The following PCDHA11 variants were observed in gnomAD, a reference collection of about 807,000 sequenced individuals.
The protein encoded by PCDHA11 is protocadherin alpha 11.
In PCDHA11, 61 loss-of-function variants were observed where a neutral mutation model predicts 70.3. The ratio of observed to expected loss-of-function variants is 0.87; its 90% CI spans 0.71 to 1.07. The LOEUF (loss-of-function observed/expected upper bound fraction) is 1.07. PCDHA11 is among the 50% of genes least tolerant of loss of function. PCDHA11 has a pLI of 0.00. For missense variants in PCDHA11, 1,324 were observed against 1,237.5 expected (o/e 1.07, Z -1.05); for synonymous variants, 633 against 555.1 (o/e 1.14, Z -1.97).
chr5:140,997,349 G>A (rs954510019), intron 3 of PCDHA11, among the ~76,000 whole-genome samples: 3 of 152,256 alleles, frequency 2.0e-5, no homozygotes, highest in South Asian at 2.1e-4. Context: ...ATCATAGAAT[G>A]TACTTACATA....
At chr5:140,924,183 A>G (rs1554201796) in intron 1 of PCDHA11, among the ~76,000 whole-genome samples, 1 of 152,230 alleles carries the variant, frequency 6.6e-6, no homozygotes, top group Non-Finnish European at 1.5e-5. Context: ...GAAGCAGAAA[A>G]TTAGTTTTGG....
intron 1 of PCDHA11, among the ~76,000 whole-genome samples, chr5:140,910,641 C>G (rs1270893523): frequency 6.6e-6 from 1 of 152,206 alleles, no homozygotes; most frequent in Non-Finnish European, 1.5e-5. Context: ...CTCCCTAAAC[C>G]TTTTGATCCC....
intron 3 of PCDHA11, among the ~76,000 whole-genome samples, chr5:141,008,665 T>A (rs2098385671): frequency 6.6e-6 from 1 of 152,210 alleles, no homozygotes; most frequent in Non-Finnish European, 1.5e-5. Context: ...CACAATACTT[T>A]ACATATACTT....
At chr5:140,882,491 C>T (rs782462724) in intron 1 of PCDHA11, 1 of 1,614,078 alleles carries the variant, frequency 6.2e-7, no homozygotes, top group South Asian at 1.1e-5. Flanking sequence ...CGGGGACCTT[C>T]TGGAGGTAAA....
intron 1 of PCDHA11, chr5:140,927,058 C>T (rs376173105): frequency 1.2e-6 from 2 of 1,611,256 alleles, no homozygotes; most frequent in African/African-American, 1.3e-5. Flanking sequence ...GCGGAACTTT[C>T]GCTTCCTTTC....
rs71583613 is a variant in PCDHA11 at position 141,001,265 on chromosome 5, T to G, written c.2540-8362T>G. 5.1e-4 allele frequency among the ~76,000 whole-genome samples: 78 copies of G among 152,286 alleles called. No individual in the cohort carries two copies. In the Middle Eastern group the frequency reaches 0.01, roughly 20 times the overall value. On this transcript the variant is annotated intron_variant, in intron 3 of 3. Transcript: ENST00000398640. ...CAACCCTATGGGGCGGGCACTCTTATGAACTTTTTTTACGGATGAAAACTG... is the reference window on the plus strand; with the variant it reads ...CAACCCTATGGGGCGGGCACTCTTAGGAACTTTTTTTACGGATGAAAACTG...
At chr5:140,899,250 G>A (rs1232558400) in intron 1 of PCDHA11, among the ~76,000 whole-genome samples, 1 of 152,118 alleles carries the variant, frequency 6.6e-6, no homozygotes, top group African/African-American at 2.4e-5. Flanking sequence ...GGTGAGAGAG[G>A]GCATCCCTGT....
chr5:140,921,251 AG>A (rs2080121821), intron 1 of PCDHA11, among the ~76,000 whole-genome samples: 1 of 152,192 alleles, frequency 6.6e-6, no homozygotes. Context: ...CAGATCAAAA[AG>A]TCCTAGACTT....
At chr5:140,919,643 C>CTA (rs1244015726) in intron 1 of PCDHA11, among the ~76,000 whole-genome samples, 7 of 152,192 alleles carry the variant, frequency 4.6e-5, no homozygotes, top group Non-Finnish European at 8.8e-5. Flanking sequence ...AGTAGTTTCT[C>CTA]TAGAGTTTAC....
In PCDHA11 at chr5:140,869,202, C is replaced by T. The variant is rs2050919461; in HGVS notation, c.99C>T (p.Tyr33=). ...FWEVGSGQLH[Y]SVSEEAKHGT... is the part of the protein sequence containing the mutation. The stretch of plus-strand genomic sequence containing the variant: ...AGGTGGGGAGCGGCCAGCTCCACTA[C>T]TCCGTCTCGGAGGAGGCCAAACACG... The change falls in exon 1 of 4, where the codon TAC becomes TAT. Residue 33 remains tyrosine (Y), a synonymous_variant. Coordinates refer to ENST00000398640, the MANE Select transcript of PCDHA11 (RefSeq NM_018902.5). The T allele has an allele frequency of 3.1e-6, 5 of 1,613,890 alleles. No individual in the cohort carries two copies. The highest frequency in any genetic ancestry group is 2.7e-5 in the African/African-American group (2 of 74,942).
chr5:140,884,573 C>T, intron 1 of PCDHA11: 1 of 1,614,170 alleles, frequency 6.2e-7, no homozygotes, highest in Non-Finnish European at 8.5e-7. Flanking sequence ...TAAGACGGAC[C>T]TCATGGCCTT....
At chr5:140,877,316 C>T in intron 1 of PCDHA11, 1 of 1,613,948 alleles carries the variant, frequency 6.2e-7, no homozygotes. Flanking sequence ...CAACCGGCGG[C>T]GGTCGGCGCG....
At chr5:140,927,300 C>T (rs2084061617) in intron 1 of PCDHA11, 2 of 1,614,052 alleles carry the variant, frequency 1.2e-6, no homozygotes, top group South Asian at 2.2e-5. Flanking sequence ...TCCCCGAGTT[C>T]CTGACGCCCG....
chr5:140,956,644 C>G (rs2095298403), intron 1 of PCDHA11, among the ~76,000 whole-genome samples: 1 of 152,096 alleles, frequency 6.6e-6, no homozygotes, highest in Non-Finnish European at 1.5e-5. Flanking sequence ...GTTTTGGTAT[C>G]AGGATGATGC....
At chr5:140,884,689 T>C (rs1290961484) in intron 1 of PCDHA11, 11 of 1,534,282 alleles carry the variant, frequency 7.2e-6, no homozygotes, top group Non-Finnish European at 9.6e-6. Flanking sequence ...AAAAATTGTC[T>C]TAGTAAACAC....
intron 1 of PCDHA11, chr5:140,877,659 G>A (rs1554169954): frequency 9.3e-6 from 15 of 1,613,500 alleles, no homozygotes; most frequent in Admixed American, 1.7e-5. Flanking sequence ...CGCCCACCGT[G>A]AGCCGGTGCG....
At chr5:140,875,925 T>C in intron 1 of PCDHA11, 2 of 1,614,142 alleles carry the variant, frequency 1.2e-6, no homozygotes. Context: ...TGGACTCTCA[T>C]TTTCCTCTAG....
At chr5:140,966,488 C>A (rs1161799910) in intron 1 of PCDHA11, 8 of 440,132 alleles carry the variant, frequency 1.8e-5, no homozygotes, top group Admixed American at 8.7e-5. Flanking sequence ...TTTCCCTCCC[C>A]CTGGAGCTGT....
At chr5:140,965,609 G>T (rs568507618) in intron 1 of PCDHA11, among the ~76,000 whole-genome samples, 9 of 151,736 alleles carry the variant, frequency 5.9e-5, no homozygotes, top group Admixed American at 2.0e-4. Context: ...TGAAGACATT[G>T]TCATCCATTA....
Sources: gnomAD v4.1 joint callset for allele counts (sites outside exome capture counted in the v4.1 genomes callset) on GRCh38, gnomAD v4.1.1 for gene constraint, MANE v1.5 for transcripts, NCBI Gene and HGNC (gene_info 2026-07-23, HGNC 2026-07-21) for gene names.